The following MESD variants were observed in gnomAD, a reference collection of about 807,000 sequenced individuals.
MESD encodes mesoderm development LRP chaperone.
A neutral mutation model predicts 12.9 loss-of-function variants in MESD; 7 were observed. The ratio of observed to expected loss-of-function variants is 0.54; its 90% CI spans 0.31 to 1.02. The LOEUF is 1.02. Ranked by LOEUF, MESD falls within the 50% of genes least tolerant of loss-of-function variation. The pLI is 0.05. For missense variants in MESD, 342 were observed against 296.7 expected, an observed-to-expected ratio of 1.15 and a Z score of -1.12; for synonymous variants, 126 against 115.6, an observed-to-expected ratio of 1.09 and a Z score of -0.58.
At chr15:80,985,684 T>C (rs972144401) in intron 1 of MESD, among the ~76,000 whole-genome samples, 7 of 147,336 alleles carry the variant, frequency 4.8e-5, no homozygotes, top group African/African-American at 1.0e-4. Flanking sequence ...CTTACTCTAT[T>C]ACCCAGTTTG....
downstream of MESD, chr15:80,947,040 G>A: frequency 6.2e-7 from 1 of 1,613,676 alleles, no homozygotes. Flanking sequence ...AAAAGCTTGG[G>A]GCAGACAGGG....
At chr15:80,988,291 G>GAT (rs1263440036) in intron 1 of MESD, among the ~76,000 whole-genome samples, 2 of 152,214 alleles carry the variant, frequency 1.3e-5, no homozygotes, top group Non-Finnish European at 2.9e-5. Context: ...GATTAAATGA[G>GAT]ATAATGTGTT....
At chr15:80,958,233 C>G (rs1295130973) in intron 3 of MESD, among the ~76,000 whole-genome samples, 1 of 152,152 alleles carries the variant, frequency 6.6e-6, no homozygotes, top group Non-Finnish European at 1.5e-5. Flanking sequence ...CTGGGTCAGG[C>G]TGCTACTAGA....
chr15:80,949,294 T>C (rs1596218317), intron 4 of MESD: 2 of 362,096 alleles, frequency 5.5e-6, no homozygotes, highest in South Asian at 2.2e-5. Flanking sequence ...AGCTAGGAGG[T>C]AGTCTGGAGG....
chr15:80,953,968 T>C (rs1901909775), intron 3 of MESD, among the ~76,000 whole-genome samples: 1 of 152,154 alleles, frequency 6.6e-6, no homozygotes, highest in South Asian at 2.1e-4. Context: ...GCATCTCCAA[T>C]CTGGTCACCC....
At chr15:80,984,503 C>T (rs189143979) in intron 1 of MESD, among the ~76,000 whole-genome samples, 20 of 152,302 alleles carry the variant, frequency 1.3e-4, no homozygotes, top group Admixed American at 1.2e-3. Context: ...TGAAAGACTA[C>T]ACATTCTATG....
intron 3 of MESD, among the ~76,000 whole-genome samples, chr15:80,963,445 T>C (rs554387196): frequency 9.9e-5 from 15 of 152,070 alleles, no homozygotes; most frequent in Admixed American, 6.6e-4. Flanking sequence ...TTCCAATCAA[T>C]AGAAAAAGAG....
chr15:80,959,868 G>C lies in MESD; in HGVS notation c.*289-7572C>G, dbSNP rs566129440. On this transcript the variant is annotated intron_variant, in intron 3 of 4. Coordinates refer to the MESD transcript ENST00000561312. ...AGGTAAACTCAACTGGAAGCAGGGG[G>C]AGTGGGGCGGTGGGTGGGAGAAGCC... is the stretch of plus-strand genomic sequence containing the variant. 2.0e-5 allele frequency among the ~76,000 whole-genome samples: 3 copies of C among 152,014 alleles called. No individual in the cohort carries two copies. In the South Asian group the frequency reaches 6.2e-4, roughly 32 times the overall value.
chr15:80,948,994 G>A, intron 4 of MESD: 1 of 1,600,924 alleles, frequency 6.2e-7, no homozygotes, highest in Middle Eastern at 1.7e-4. Flanking sequence ...ACCAGTGGGG[G>A]ATGGCTGGGT....
chr15:80,974,600 TAA>T (rs201950219), downstream of MESD, among the ~76,000 whole-genome samples: 4 of 132,346 alleles, frequency 3.0e-5, no homozygotes, highest in Non-Finnish European at 1.6e-5. Flanking sequence ...GTATCAGAGC[TAA>T]AAAAAAAAAA....
chr15:80,985,183 G>A (rs1200375641), intron 1 of MESD, among the ~76,000 whole-genome samples: 1 of 152,246 alleles, frequency 6.6e-6, no homozygotes, highest in Non-Finnish European at 1.5e-5. Context: ...GCAGACAGGA[G>A]CATGGGCTGT....
At chr15:80,987,573 C>G (rs188096427) in intron 1 of MESD, among the ~76,000 whole-genome samples, 3 of 151,850 alleles carry the variant, frequency 2.0e-5, no homozygotes, top group Non-Finnish European at 2.9e-5. Context: ...ACTGCAACCT[C>G]CACCTCCCTG....
intron 1 of MESD, among the ~76,000 whole-genome samples, chr15:80,988,396 T>C (rs1465506111): frequency 6.6e-6 from 1 of 152,232 alleles, no homozygotes; most frequent in Non-Finnish European, 1.5e-5. Context: ...CCTCTTCGTC[T>C]AGCTCAGGGT....
chr15:80,979,322 T>C lies in MESD; in HGVS notation c.602A>G (p.Asn201Ser). The C allele has an allele frequency of 6.2e-7, 1 of 1,614,158 alleles. No homozygotes were observed. Among genetic ancestry groups the C allele is most frequent in the Non-Finnish European group, 8.5e-7 (1 of 1,180,050 alleles). The change falls in exon 3 of 3, where the codon AAT becomes AGT. Residue 201 changes from asparagine to serine, a missense_variant. By Grantham distance (46) the Asn-to-Ser change is conservative (BLOSUM62 1). Transcript: ENST00000261758. ...TTTGCCCTTGTCTTGCTTTGTTTTA[T>C]TTTTCTCTTTGCTTCCTCCTCCTTT... ...PGKGGGSKEK[N>S]KTKQDKGKKK... is the part of the protein sequence containing the mutation.
intron 1 of MESD, among the ~76,000 whole-genome samples, chr15:80,982,839 G>C (rs1200304132): frequency 6.6e-6 from 1 of 152,140 alleles, no homozygotes; most frequent in Non-Finnish European, 1.5e-5. Context: ...CCAGCACTTT[G>C]GGAGGCTGAG....
chr15:80,969,909 G>C (rs1422222723), intron 3 of MESD, among the ~76,000 whole-genome samples: 2 of 152,156 alleles, frequency 1.3e-5, no homozygotes, highest in African/African-American at 4.8e-5. Flanking sequence ...CGTGACCTTG[G>C]GGAAAATACT....
At chr15:80,968,213 G>A (rs1000925444) in intron 3 of MESD, among the ~76,000 whole-genome samples, 4 of 152,226 alleles carry the variant, frequency 2.6e-5, no homozygotes, top group African/African-American at 9.6e-5. Flanking sequence ...TGGTGGGAAC[G>A]GCAGATGTTT....
intron 3 of MESD, among the ~76,000 whole-genome samples, chr15:80,958,547 G>A (rs1226215519): frequency 6.6e-6 from 1 of 152,140 alleles, no homozygotes; most frequent in East Asian, 1.9e-4. Flanking sequence ...TGCCCAGGCT[G>A]GTCTCGAACT....
At chr15:80,953,628 A>G (rs1347440140) in intron 3 of MESD, among the ~76,000 whole-genome samples, 1 of 152,186 alleles carries the variant, frequency 6.6e-6, no homozygotes, top group African/African-American at 2.4e-5. Flanking sequence ...TGCAGAATGC[A>G]TAGGAATGAA....
Sources: gnomAD v4.1 joint callset for allele counts (sites outside exome capture counted in the v4.1 genomes callset) on GRCh38, gnomAD v4.1.1 for gene constraint, MANE v1.5 for transcripts, NCBI Gene and HGNC (gene_info 2026-07-23, HGNC 2026-07-21) for gene names.